PDE11A: variants seen among roughly 807,000 people sequenced by gnomAD.
The protein encoded by PDE11A is phosphodiesterase 11A, also known as dual 3',5'-cyclic-AMP and -GMP phosphodiesterase 11A.
PDE11A carries 100 observed loss-of-function variants against 100.5 expected under a neutral mutation model. The observed-to-expected ratio is 1.00, with a 90% CI of 0.85 to 1.18. The LOEUF (loss-of-function observed/expected upper bound fraction) is 1.18. Ranked by LOEUF, PDE11A falls within the 50% of genes most tolerant of loss-of-function variation. The pLI is 0.00. For missense variants in PDE11A, 1,141 were observed against 1,152.6 expected, an observed-to-expected ratio of 0.99 and a Z score of 0.15; for synonymous variants, 381 against 420.8, an observed-to-expected ratio of 0.91 and a Z score of 1.16.
intron 9 of PDE11A, among the ~76,000 whole-genome samples, chr2:177,782,275 A>G (rs2082464921): frequency 6.6e-6 from 1 of 152,206 alleles, no homozygotes; most frequent in South Asian, 2.1e-4. Context: ...ACATTCTTTG[A>G]CACTATTTCT....
Position 177,701,080 on chromosome 2 carries a change from T to C in PDE11A, c.2244+41A>G, listed in dbSNP as rs201180371. The C allele has an allele frequency of 8.4e-6, 9 of 1,074,922 alleles. No individual in the cohort carries two copies. In the East Asian group the frequency reaches 1.9e-4, roughly 22 times the overall value. 66.6% of individuals were successfully genotyped at this position (1,074,922 alleles called of 1,614,324 possible). A position where few individuals can be genotyped will look rare whatever the true frequency, so the allele number is the denominator to read the frequency against. ...AGAGGGAGGAAACAAAGAGTTGTTT[T>C]GGTTTCTGTTAAGGGGAGAAGCAGA... On this transcript the variant is annotated intron_variant, in intron 14 of 19. Transcript: ENST00000286063.
chr2:178,000,575 A>G (rs2086132008), intron 2 of PDE11A, among the ~76,000 whole-genome samples: 1 of 152,244 alleles, frequency 6.6e-6, no homozygotes, highest in Non-Finnish European at 1.5e-5. Context: ...ATAAACAACC[A>G]TAAATTTAAA....
At chr2:177,728,383 G>C (rs543545368) in intron 10 of PDE11A, among the ~76,000 whole-genome samples, 2 of 103,076 alleles carry the variant, frequency 1.9e-5, no homozygotes, top group Admixed American at 1.8e-4. Context: ...GGTTGGGGGC[G>C]GGGGGAGGGA....
chr2:178,018,754 C>T (rs898552548), intron 1 of PDE11A, among the ~76,000 whole-genome samples: 3 of 152,114 alleles, frequency 2.0e-5, no homozygotes, highest in Non-Finnish European at 2.9e-5. Context: ...CACTACATTG[C>T]CCAGTCTGGT....
At chr2:177,684,459 A>G (rs2080913229) in intron 15 of PDE11A, among the ~76,000 whole-genome samples, 1 of 152,190 alleles carries the variant, frequency 6.6e-6, no homozygotes, top group East Asian at 1.9e-4. Context: ...AAAATTCTAA[A>G]TAAAGACAAG....
chr2:177,914,359 T>A (rs2084922560), intron 2 of PDE11A, among the ~76,000 whole-genome samples: 1 of 152,112 alleles, frequency 6.6e-6, no homozygotes. Flanking sequence ...ATGAGCGCTT[T>A]GTCTAAGATG....
intron 4 of PDE11A, among the ~76,000 whole-genome samples, chr2:177,890,366 G>A (rs540691296): frequency 2.6e-5 from 4 of 152,164 alleles, no homozygotes; most frequent in South Asian, 2.1e-4. Flanking sequence ...AAACATCCCC[G>A]AGCCTGCCCA....
At chr2:178,073,871 G>T (rs189041757), upstream of PDE11A, among the ~76,000 whole-genome samples, 203 of 149,104 alleles carry the variant, frequency 1.4e-3, 1 homozygote, top group Middle Eastern at 7.0e-3. Flanking sequence ...CAACGGGAAT[G>T]TTTACACCAT....
At chr2:177,968,679 A>C (rs2020213) in intron 2 of PDE11A, among the ~76,000 whole-genome samples, 85,578 of 152,126 alleles carry the variant, frequency 0.56, 26,762 homozygotes, top group African/African-American at 0.84. Flanking sequence ...AAAAAAAGCT[A>C]ACCATTACTA....
In PDE11A at chr2:177,940,515, T is replaced by C. The variant is rs977527660; in HGVS notation, c.1072-35328A>G. ...TTTCAGCAGCTTCTTGAAGGAAGGA[T>C]GCAAGTCCTATTTATAATAATTTGC... On this transcript the variant is annotated intron_variant, in intron 2 of 19. Coordinates refer to ENST00000286063, the MANE Select transcript of PDE11A (RefSeq NM_016953.4). 2.6e-5 allele frequency among the ~76,000 whole-genome samples: 4 copies of C among 152,260 alleles called. No homozygotes were observed. In the South Asian group the frequency reaches 8.3e-4, roughly 32 times the overall value.
Position 177,987,596 on chromosome 2 carries a change from A to AT in PDE11A, c.1071+26705dup, listed in dbSNP as rs536883693. Among the ~76,000 whole-genome samples the AT allele has an allele frequency of 3.9e-5, 6 of 152,314 alleles. No individual in the cohort carries two copies. In the South Asian group the frequency reaches 1.2e-3, roughly 32 times the overall value. ...GCAGGAGTATCTTTTCTCATCAGAA[A>AT]TAAATGTTTTATTAAATTGCAGGAT... On this transcript the variant is annotated intron_variant, in intron 2 of 19. Coordinates refer to ENST00000286063, the MANE Select transcript of PDE11A (RefSeq NM_016953.4).
At chr2:178,088,365 G>T (rs1007184868) in intron 2 of PDE11A, among the ~76,000 whole-genome samples, 3 of 152,070 alleles carry the variant, frequency 2.0e-5, no homozygotes, top group African/African-American at 7.2e-5. Flanking sequence ...AGGACACAAG[G>T]GTTCAATTCA....
At chr2:177,945,012 G>A (rs1280376125) in intron 2 of PDE11A, among the ~76,000 whole-genome samples, 1 of 149,406 alleles carries the variant, frequency 6.7e-6, no homozygotes. Context: ...GGTGGAGACG[G>A]GGTTTCGCTG....
At chr2:177,747,507 G>T (rs2105472821) in intron 10 of PDE11A, among the ~76,000 whole-genome samples, 1 of 152,302 alleles carries the variant, frequency 6.6e-6, no homozygotes, top group East Asian at 1.9e-4. Flanking sequence ...GTCCAAAATG[G>T]TTCTGGGTCT....
At chr2:177,979,628 T>TTTTTTTTA (rs2085855530) in intron 2 of PDE11A, among the ~76,000 whole-genome samples, 2 of 145,308 alleles carry the variant, frequency 1.4e-5, no homozygotes, top group African/African-American at 5.0e-5. Flanking sequence ...TTTTTTTTTT[T>TTTTTTTTA]GAGACAGAGT....
At chr2:177,829,762 A>G (rs1394680413) in intron 6 of PDE11A, among the ~76,000 whole-genome samples, 1 of 151,952 alleles carries the variant, frequency 6.6e-6, no homozygotes, top group East Asian at 1.9e-4. Flanking sequence ...TATAATAAGC[A>G]AAATTCTAAG....
At chr2:177,699,158 A>G (rs1200188856) in intron 14 of PDE11A, among the ~76,000 whole-genome samples, 1 of 152,206 alleles carries the variant, frequency 6.6e-6, no homozygotes, top group African/African-American at 2.4e-5. Flanking sequence ...AAGCACTTAC[A>G]CAAAACTAGA....
At chr2:178,084,573 C>CCT (rs1289836728) in intron 2 of PDE11A, among the ~76,000 whole-genome samples, 1 of 152,090 alleles carries the variant, frequency 6.6e-6, no homozygotes, top group Non-Finnish European at 1.5e-5. Context: ...TGGGAGCAGG[C>CCT]AGGCTGCAAG....
chr2:177,728,135 T>A lies in PDE11A; in HGVS notation c.1826A>T (p.Asp609Val). ...AGAAAAGTCATCAAAATGAATGTCA[T>A]CGATGGCAAGTTCTGACACCAGAGG... ...NIPLVSELAI[D>V]DIHFDDFSLD... Residue 609 changes from aspartate (D) to valine (V), a missense_variant, in exon 11 of 20, where the codon GAT (aspartate) becomes GTT (valine). Transcript: ENST00000286063. The A allele has an allele frequency of 6.2e-7, 1 of 1,613,174 alleles. No homozygotes were observed. The highest frequency in any genetic ancestry group is 1.3e-5 in the African/African-American group (1 of 74,954).
Sources: allele counts gnomAD v4.1 joint callset (sites outside exome capture counted in the v4.1 genomes callset), GRCh38; gene constraint gnomAD v4.1.1; transcripts MANE v1.5; gene names NCBI Gene and HGNC (gene_info 2026-07-23, HGNC 2026-07-21).